Variants in ALDH3A2 observed in about 807,000 individuals in gnomAD.
The protein encoded by ALDH3A2 is aldehyde dehydrogenase 3 family member A2.
Under a neutral mutation model 51.3 loss-of-function variants are expected in ALDH3A2, and 36 were observed. The observed-to-expected ratio is 0.70, with a 90% CI of 0.54 to 0.93. The LOEUF (loss-of-function observed/expected upper bound fraction) is 0.93. ALDH3A2 is among the 40% of genes least tolerant of loss of function. The pLI is 0.00. For synonymous variants in ALDH3A2, 199 were observed against 219.8 expected (o/e 0.91, Z 0.84); for missense variants, 552 against 603.1 (o/e 0.92, Z 0.89).
chr17:19,655,630 C>T (rs562322161), intron 3 of ALDH3A2, among the ~76,000 whole-genome samples: 1 of 152,370 alleles, frequency 6.6e-6, no homozygotes, highest in East Asian at 1.9e-4. Flanking sequence ...TTTTACTTCA[C>T]ACTTCCACCT....
At chr17:19,656,825 C>T (rs1296351645) in intron 4 of ALDH3A2, among the ~76,000 whole-genome samples, 1 of 152,150 alleles carries the variant, frequency 6.6e-6, no homozygotes, top group African/African-American at 2.4e-5. Flanking sequence ...TATCTGTTCT[C>T]AAGATTACAG....
At chr17:19,660,171 C>G (rs1478558303) in intron 5 of ALDH3A2, among the ~76,000 whole-genome samples, 1 of 152,072 alleles carries the variant, frequency 6.6e-6, no homozygotes, top group Non-Finnish European at 1.5e-5. Flanking sequence ...GGCATTTATA[C>G]TCTTAACACA....
rs540526664 is a variant in ALDH3A2, at chr17:19,674,036, TTAAGAA to T, written c.1444-1519_1444-1514del. ...GGCACTGAACTCTTTATGTCATAAT[TTAAGAA>T]TATGTTTTTTAAATCACTAAGTAGT... On this transcript the variant is annotated intron_variant, in intron 9 of 9. Coordinates refer to ENST00000176643, the MANE Select transcript of ALDH3A2 (RefSeq NM_000382.3). 2.0e-5 allele frequency: 3 copies of T among 152,310 alleles called. No homozygotes were observed. The South Asian group carries it at 6.2e-4, about 32-fold the overall frequency. The allele number at this position is 152,310 out of a possible 1,614,324, so 9.4% of individuals were successfully genotyped here. A position where few individuals can be genotyped will look rare whatever the true frequency, so the allele number is the denominator to read the frequency against.
chr17:19,672,376 G>A, intron 9 of ALDH3A2: 1 of 210,742 alleles, frequency 4.7e-6, no homozygotes, highest in South Asian at 8.8e-5. Context: ...TCTTGAATGT[G>A]CATGAAATCA....
rs1159123968 is a variant in ALDH3A2, at chr17:19,655,038, C to T, written c.472-1328C>T. On this transcript the variant is annotated intron_variant, in intron 3 of 9. Coordinates refer to ENST00000176643, the MANE Select transcript of ALDH3A2 (RefSeq NM_000382.3). The stretch of plus-strand genomic sequence containing the variant: ...AGAACTGAATAAAGAAAATGATCTG[C>T]CCAACTGCGGGTAGTTCATCTGTCT... Among the ~76,000 whole-genome samples, 4 of 152,282 alleles carry T rather than the reference C, an allele frequency of 2.6e-5. No individual in the cohort carries two copies. The East Asian group carries it at 5.8e-4, about 22-fold the overall frequency.
At chr17:19,674,942 G>C (rs537579387) in intron 9 of ALDH3A2, 8 of 152,304 alleles carry the variant, frequency 5.3e-5, no homozygotes, top group African/African-American at 1.9e-4. Context: ...GAATTAGAAG[G>C]GATTTAGAGC....
intron 6 of ALDH3A2, 156 bp downstream of exon 6, chr17:19,661,424 A>G: frequency 2.4e-6 from 2 of 846,758 alleles, no homozygotes; most frequent in South Asian, 1.7e-5. Context: ...AGCTTTTGTT[A>G]TAAACTATTT....
intron 8 of ALDH3A2, among the ~76,000 whole-genome samples, chr17:19,667,678 C>G (rs537665387): frequency 4.6e-5 from 7 of 152,208 alleles, no homozygotes; most frequent in African/African-American, 1.4e-4. Context: ...CCTGGCTCAG[C>G]CTCCCAAGTA....
chr17:19,658,091 T>C (rs1204350275), intron 5 of ALDH3A2, among the ~76,000 whole-genome samples: 1 of 152,238 alleles, frequency 6.6e-6, no homozygotes, highest in Admixed American at 6.5e-5. Context: ...GTTGATTTGT[T>C]GATGATTAGT....
chr17:19,657,652 T>G, intron 4 of ALDH3A2, 93 bp from the exon 5 acceptor site: 2 of 963,730 alleles, frequency 2.1e-6, no homozygotes, highest in South Asian at 1.3e-5. Context: ...TGAATCTATT[T>G]TAGTTGCAAG....
intron 3 of ALDH3A2, 104 bp from the exon 4 acceptor site, chr17:19,656,262 T>C: frequency 9.3e-7 from 1 of 1,073,626 alleles, no homozygotes. Flanking sequence ...CTTGACACTC[T>C]CTGGGTTTTA....
intron 4 of ALDH3A2, among the ~76,000 whole-genome samples, chr17:19,657,442 A>G (rs73981575): frequency 0.033 from 5,072 of 152,250 alleles, 251 homozygotes; most frequent in African/African-American, 0.11. Flanking sequence ...GGGAAAGGAC[A>G]TTGGGAGGCT....
At chr17:19,651,258 G>T (rs888456920) in intron 1 of ALDH3A2, among the ~76,000 whole-genome samples, 1 of 152,200 alleles carries the variant, frequency 6.6e-6, no homozygotes, top group African/African-American at 2.4e-5. Context: ...TAATATTTAA[G>T]CCTGGCTTTT....
Position 19,676,843 on chromosome 17 carries a change from T to C in ALDH3A2, c.*1271T>C, listed in dbSNP as rs2085197577. 1 of 152,148 alleles carries C rather than the reference T, an allele frequency of 6.6e-6. No homozygotes were observed. Among genetic ancestry groups the C allele is most frequent in the African/African-American group, 2.4e-5 (1 of 41,418 alleles). 9.4% of individuals were successfully genotyped at this position (152,148 alleles called of 1,614,324 possible). A position where few individuals can be genotyped will look rare whatever the true frequency, so the allele number is the denominator to read the frequency against. On this transcript the variant is annotated 3_prime_UTR_variant, in exon 10 of 10. Coordinates refer to ENST00000176643, the MANE Select transcript of ALDH3A2 (RefSeq NM_000382.3). ...TCTGATTAGCCTACAGAACTTAAAG[T>C]GAGGGAACCATTTCCTCTCACAGAC...
chr17:19,656,272 A>T, intron 3 of ALDH3A2, 94 bp from the exon 4 acceptor site: 1 of 1,149,380 alleles, frequency 8.7e-7, no homozygotes, highest in East Asian at 2.5e-5. Context: ...TCTGGGTTTT[A>T]CTGAATGTTA....
At chr17:19,649,155 A>C (rs767681716) in intron 1 of ALDH3A2, 31 bp downstream of exon 1, 1 of 1,543,744 alleles carries the variant, frequency 6.5e-7, no homozygotes, top group South Asian at 1.2e-5. Flanking sequence ...GTGTGGGGAA[A>C]CTGGCCCCCG....
chr17:19,667,730 T>G (rs2085058431), intron 8 of ALDH3A2, among the ~76,000 whole-genome samples: 1 of 152,110 alleles, frequency 6.6e-6, no homozygotes, highest in African/African-American at 2.4e-5. Context: ...AGCTAATTTT[T>G]GTATTTTTAG....
chr17:19,649,499 G>A (rs965195840), intron 1 of ALDH3A2: 4 of 186,334 alleles, frequency 2.1e-5, no homozygotes, highest in Non-Finnish European at 4.4e-5. Flanking sequence ...TTTTTTTTAA[G>A]CCAAATTTAG....
In ALDH3A2 at chr17:19,654,897, T is replaced by A. The variant is rs1370328287; in HGVS notation, c.472-1469T>A. Among the ~76,000 whole-genome samples the A allele has an allele frequency of 6.6e-6, 1 of 152,136 alleles. No individual in the cohort carries two copies. The highest frequency in any genetic ancestry group is 1.5e-5 in the Non-Finnish European group (1 of 68,028). On this transcript the variant is annotated intron_variant, in intron 3 of 9. Transcript: ENST00000176643. This position sits in a 1 kb window ranked among gnomAD's most constrained non-coding sequence, Gnocchi z 4.5. ...CCCAGCCTATAAGAGTACTTCTGCTTTCAAAAAAGACATGTCTGTGGCATG... is the reference window on the plus strand; with the variant it reads ...CCCAGCCTATAAGAGTACTTCTGCTATCAAAAAAGACATGTCTGTGGCATG...
Sources: allele counts gnomAD v4.1 joint callset (sites outside exome capture counted in the v4.1 genomes callset), GRCh38; gene constraint gnomAD v4.1.1; non-coding constraint Gnocchi (gnomAD v3.1); transcripts MANE v1.5; gene names NCBI Gene and HGNC (gene_info 2026-07-23, HGNC 2026-07-21).